GPR6: variants seen among roughly 807,000 people sequenced by gnomAD.
GPR6 encodes the protein G protein-coupled receptor 6.
GPR6 carries 14 observed loss-of-function variants against 18.5 expected under a neutral mutation model. That is an observed-to-expected ratio of 0.76 (90% CI 0.50 to 1.18). The LOEUF is 1.18. GPR6 is among the 50% of genes most tolerant of loss of function. GPR6 has a pLI of 0.00. For missense variants in GPR6, 477 were observed against 495.9 expected (o/e 0.96, Z 0.36); for synonymous variants, 299 against 240.9 (o/e 1.24, Z -2.23).
chr6:109,980,463 G>T lies in GPR6; in HGVS notation c.*262G>T. The T allele has an allele frequency of 2.0e-6, 1 of 497,704 alleles. No individual in the cohort carries two copies. The highest frequency in any genetic ancestry group is 3.9e-5 in the East Asian group (1 of 25,800). 30.8% of individuals were successfully genotyped at this position (497,704 alleles called of 1,614,324 possible). A position where few individuals can be genotyped will look rare whatever the true frequency, so the allele number is the denominator to read the frequency against. Reference sequence around the variant, plus strand: ...TTCAGGATGTGGAGCTTCCTATTCTGTGAAAAACCAAGAAAAAGATATGGT... The same window carrying T: ...TTCAGGATGTGGAGCTTCCTATTCTTTGAAAAACCAAGAAAAAGATATGGT... On this transcript the variant is annotated 3_prime_UTR_variant, in exon 2 of 2. Coordinates refer to ENST00000275169, the MANE Select transcript of GPR6 (RefSeq NM_005284.5).
rs777265453 is a variant in GPR6 at position 109,979,047 on chromosome 6, T to C, written c.-18-48T>C. On this transcript the variant is annotated intron_variant, in intron 1 of 1. Transcript: ENST00000275169. ...AGGCTCTACGCGTGGGGAAGTTTCC[T>C]GGCAGCCTGAAGTGTACACCTGACG... 128 of 1,536,616 alleles carry C rather than the reference T, an allele frequency of 8.3e-5. 1 individual carries two copies. Among genetic ancestry groups the C allele is most frequent in the South Asian group, 1.9e-4 (15 of 80,946 alleles).
intron 1 of GPR6, 179 bp downstream of exon 1, chr6:109,978,646 G>A (rs1275988717): frequency 5.1e-6 from 6 of 1,169,288 alleles, no homozygotes; most frequent in Non-Finnish European, 6.0e-6. Flanking sequence ...GGGGTCTCTG[G>A]GCTCCAGGAC....
intron 1 of GPR6, chr6:109,978,769 TC>T: frequency 6.5e-7 from 1 of 1,535,698 alleles, no homozygotes; most frequent in Non-Finnish European, 8.7e-7. Context: ...GGCGGGACTC[TC>T]CCAGGATGAC....
rs1355001124 is a variant in GPR6, at chr6:109,978,783, T to G, written c.-18-312T>G. ...AGGCGGGACTCTCCCAGGATGACACTCCTAGCTTGGTGCACTCGGGTGCGT... is the reference window on the plus strand; with the variant it reads ...AGGCGGGACTCTCCCAGGATGACACGCCTAGCTTGGTGCACTCGGGTGCGT... On this transcript the variant is annotated intron_variant, in intron 1 of 1. Coordinates refer to ENST00000275169, the MANE Select transcript of GPR6 (RefSeq NM_005284.5). The G allele has an allele frequency of 2.0e-6, 3 of 1,535,700 alleles. No homozygotes were observed. The East Asian group carries it at 7.3e-5, about 38-fold the overall frequency.
In GPR6 at chr6:109,979,848, G is replaced by C. The variant is rs1254780699; in HGVS notation, c.736G>C (p.Val246Leu). The change falls in exon 2 of 2, where the codon GTG (valine) becomes CTG (leucine). Residue 246 changes from valine to leucine, a missense_variant. Physicochemically the swap from Val to Leu is conservative, Grantham distance 32. Coordinates refer to ENST00000275169, the MANE Select transcript of GPR6 (RefSeq NM_005284.5). ...CTTCGGCATCATGCTGCACCTGTAC[G>C]TGCGCATCTGCCAGGTGGTCTGGCG... ...MVFGIMLHLY[V>L]RICQVVWRHA... 9 of 1,607,994 alleles carry C rather than the reference G, an allele frequency of 5.6e-6. No homozygotes were observed. Among genetic ancestry groups the C allele is most frequent in the Non-Finnish European group, 8.5e-7 (1 of 1,179,724 alleles).
In GPR6 at chr6:109,979,106, G is replaced by A; in HGVS notation, c.-7G>A. ...CCCTCCCTATGCAGGGTGCAAATCC[G>A]GCCGCGATGAACGCGAGCGCCGCCT... On this transcript the variant is annotated 5_prime_UTR_variant, in exon 2 of 2. Coordinates refer to ENST00000275169, the MANE Select transcript of GPR6 (RefSeq NM_005284.5). The A allele has an allele frequency of 1.9e-6, 3 of 1,574,968 alleles. No homozygotes were observed. Among genetic ancestry groups the A allele is most frequent in the Non-Finnish European group, 2.6e-6 (3 of 1,170,634 alleles).
In GPR6 at chr6:109,979,872, C is replaced by T. The variant is rs766122889; in HGVS notation, c.760C>T (p.Arg254Cys). The change falls in exon 2 of 2, where the codon CGC becomes TGC. Residue 254 changes from arginine to cysteine, a missense_variant. Coordinates refer to ENST00000275169, the MANE Select transcript of GPR6 (RefSeq NM_005284.5). ...LYVRICQVVW[R>C]HAHQIALQQH... ...CGTGCGCATCTGCCAGGTGGTCTGG[C>T]GCCACGCGCACCAGATCGCGCTGCA... The T allele has an allele frequency of 6.2e-7, 1 of 1,609,998 alleles. No homozygotes were observed. Among genetic ancestry groups the T allele is most frequent in the Non-Finnish European group, 8.5e-7 (1 of 1,179,838 alleles).
chr6:109,979,755 G>T lies in GPR6; in HGVS notation c.643G>T (p.Ala215Ser). 1 of 1,599,976 alleles carries T rather than the reference G, an allele frequency of 6.3e-7. No individual in the cohort carries two copies. The change falls in exon 2 of 2, where the codon GCC (alanine) becomes TCC (serine). Residue 215 changes from alanine (A) to serine (S), a missense_variant. Transcript: ENST00000275169. ...LGWNCLAERAACSVVRPLARS... is the reference protein window; with the variant it reads ...LGWNCLAERASCSVVRPLARS... ...CTGGAACTGCCTGGCAGAGCGCGCC[G>T]CCTGCAGCGTGGTGCGCCCGCTGGC...
In GPR6 at chr6:109,979,173, G is replaced by T. The variant is rs1330554584; in HGVS notation, c.61G>T (p.Ala21Ser). ...SQVVVVAAEG[A>S]AAAATAAGGP... ...GGTGGTGGTAGTGGCGGCCGAAGGA[G>T]CGGCGGCGGCGGCCACAGCAGCAGG... Residue 21 changes from alanine (A) to serine (S), a missense_variant, in exon 2 of 2, where the codon GCG becomes TCG. By Grantham distance (99) the Ala-to-Ser change is moderately conservative (BLOSUM62 1). Transcript: ENST00000275169. The T allele has an allele frequency of 6.3e-7, 1 of 1,592,920 alleles. No individual in the cohort carries two copies. The highest frequency in any genetic ancestry group is 8.5e-7 in the Non-Finnish European group (1 of 1,175,952).
chr6:109,979,471 TGGC>T lies in GPR6; in HGVS notation c.362_364del (p.Ala121del). ...GGCAGCCTGGCCACCGCTGACCTGT[TGGC>T]GGGCTGTGGCCTCATCTTGCACTTT... On this transcript the variant is annotated inframe_deletion, in exon 2 of 2. Coordinates refer to ENST00000275169, the MANE Select transcript of GPR6 (RefSeq NM_005284.5). 1 of 1,613,424 alleles carries T rather than the reference TGGC, an allele frequency of 6.2e-7. No homozygotes were observed. The highest frequency in any genetic ancestry group is 8.5e-7 in the Non-Finnish European group (1 of 1,180,000).
chr6:109,979,054 C>CTGAAG (rs1771012034), intron 1 of GPR6, 41 bp from the exon 2 acceptor site: 2 of 1,538,916 alleles, frequency 1.3e-6, no homozygotes, highest in Middle Eastern at 1.7e-4. Flanking sequence ...TCCTGGCAGC[C>CTGAAG]TGAAGTGTAC....
At chr6:109,979,021 G>A in intron 1 of GPR6, 74 bp from the exon 2 acceptor site, 1 of 1,539,338 alleles carries the variant, frequency 6.5e-7, no homozygotes, top group Non-Finnish European at 8.7e-7. Flanking sequence ...AATGCGAGAG[G>A]AGGCTCTACG....
chr6:109,979,189 C>A lies in GPR6; in HGVS notation c.77C>A (p.Thr26Lys), dbSNP rs1771018350. Residue 26 changes from threonine (T) to lysine (K), a missense_variant, in exon 2 of 2, where the codon ACA becomes AAA. Coordinates refer to ENST00000275169, the MANE Select transcript of GPR6 (RefSeq NM_005284.5). ...VAAEGAAAAA[T>K]AAGGPDTGEW... The stretch of plus-strand genomic sequence containing the variant: ...GCCGAAGGAGCGGCGGCGGCGGCCA[C>A]AGCAGCAGGGGGGCCGGACACGGGC... 1.3e-6 allele frequency: 2 copies of A among 1,596,810 alleles called. No homozygotes were observed. The highest frequency in any genetic ancestry group is 2.7e-5 in the African/African-American group (2 of 74,038).
In GPR6 at chr6:109,980,050, C is replaced by T; in HGVS notation, c.938C>T (p.Ala313Val). 1 of 1,614,058 alleles carries T rather than the reference C, an allele frequency of 6.2e-7. No homozygotes were observed. Among genetic ancestry groups the T allele is most frequent in the Non-Finnish European group, 8.5e-7 (1 of 1,180,034 alleles). The change falls in exon 2 of 2, where the codon GCC becomes GTC. Residue 313 changes from alanine (A) to valine (V), a missense_variant. Coordinates refer to ENST00000275169, the MANE Select transcript of GPR6 (RefSeq NM_005284.5). ...GAGGACCCGGCGGTCTACACTTACG[C>T]CACCCTGCTGCCCGCCACCTACAAC... The part of the protein sequence containing the change: ...SHEDPAVYTY[A>V]TLLPATYNSM...
At position 109,979,273 on chromosome 6, in the gene GPR6, T is replaced by C. The variant is rs1431228691; in HGVS notation, c.161T>C (p.Leu54Pro). 3 of 1,612,914 alleles carry C rather than the reference T, an allele frequency of 1.9e-6. No individual in the cohort carries two copies. Among genetic ancestry groups the C allele is most frequent in the African/African-American group, 2.7e-5 (2 of 75,038 alleles). ...LGAGGGANGS[L>P]ELSSQLSAGP... ...GCCGGCGGCGGAGCTAATGGGTCTCTGGAGCTGTCCTCGCAGCTGTCGGCT... is the reference window on the plus strand; with the variant it reads ...GCCGGCGGCGGAGCTAATGGGTCTCCGGAGCTGTCCTCGCAGCTGTCGGCT... The change falls in exon 2 of 2, where the codon CTG (leucine) becomes CCG (proline). Residue 54 changes from leucine to proline, a missense_variant. Leu to Pro is a moderately conservative substitution (Grantham distance 98). Transcript: ENST00000275169.
Position 109,980,200 on chromosome 6 carries a change from G to C in GPR6, c.1088G>C (p.Ter363SerextTer28). 1 of 1,614,212 alleles carries C rather than the reference G, an allele frequency of 6.2e-7. No individual in the cohort carries two copies. The highest frequency in any genetic ancestry group is 8.5e-7 in the Non-Finnish European group (1 of 1,180,040). Reference sequence around the variant, plus strand: ...CGTTCCAGGTCTCCCAGCGAGGTCTGAAGGGCTCGCCCCGTGTCCTCTCAC... The same window carrying C: ...CGTTCCAGGTCTCCCAGCGAGGTCTCAAGGGCTCGCCCCGTGTCCTCTCAC... ...PFRSRSPSEV[*>S] is the part of the protein sequence containing the mutation. Residue 363 changes from the stop codon to serine, a stop_lost, in exon 2 of 2, where the codon TGA becomes TCA. Coordinates refer to ENST00000275169, the MANE Select transcript of GPR6 (RefSeq NM_005284.5).
At chr6:109,978,875 A>G (rs915606565) in intron 1 of GPR6, 7 of 1,533,602 alleles carry the variant, frequency 4.6e-6, no homozygotes. Context: ...CCTGGTGTAT[A>G]TCTGCAAAAA....
Position 109,979,791 on chromosome 6 carries a change from G to T in GPR6, c.679G>T (p.Val227Leu), listed in dbSNP as rs1187585373. 1.9e-6 allele frequency: 3 copies of T among 1,599,660 alleles called. No homozygotes were observed. The highest frequency in any genetic ancestry group is 2.7e-5 in the African/African-American group (2 of 74,780). ...GGTGCGCCCGCTGGCGCGCAGCCAC[G>T]TGGCTCTGCTCTCCGCCGCCTTCTT... is the stretch of plus-strand genomic sequence containing the variant. ...SVVRPLARSH[V>L]ALLSAAFFMV... The change falls in exon 2 of 2, where the codon GTG becomes TTG. Residue 227 changes from valine (V) to leucine (L), a missense_variant. Val to Leu is a conservative substitution (Grantham distance 32). Coordinates refer to ENST00000275169, the MANE Select transcript of GPR6 (RefSeq NM_005284.5).
rs1178295589 is a variant in GPR6 at position 109,980,102 on chromosome 6, C to T, written c.990C>T (p.Ala330=). Residue 330 remains alanine, a synonymous_variant, in exon 2 of 2, where the codon GCC becomes GCT. Transcript: ENST00000275169. ...YNSMINPIIY[A]FRNQEIQRAL... is the part of the protein sequence containing the mutation. Reference sequence around the variant, plus strand: ...CCATGATCAATCCCATCATCTATGCCTTCCGCAACCAGGAGATCCAGCGCG... The same window carrying T: ...CCATGATCAATCCCATCATCTATGCTTTCCGCAACCAGGAGATCCAGCGCG... 1.2e-6 allele frequency: 2 copies of T among 1,614,100 alleles called. No individual in the cohort carries two copies.
Sources: gnomAD v4.1 joint callset for allele counts on GRCh38, gnomAD v4.1.1 for gene constraint, MANE v1.5 for transcripts, NCBI Gene and HGNC (gene_info 2026-07-23, HGNC 2026-07-21) for gene names.